Variants in ZRANB3 observed in about 807,000 individuals in gnomAD.
ZRANB3 encodes DNA annealing helicase and endonuclease ZRANB3.
In ZRANB3, 125 loss-of-function variants were observed where a neutral mutation model predicts 133.8. That is an observed-to-expected ratio of 0.93 (90% CI 0.81 to 1.08). ZRANB3 has a LOEUF of 1.08. Among genes scored for constraint, ZRANB3 ranks in the 50% least tolerant of loss-of-function variants. The pLI, the probability that ZRANB3 is intolerant of heterozygous loss-of-function variation, is 0.00. For synonymous variants in ZRANB3, 387 were observed against 432.7 expected (o/e 0.89, Z 1.31); for missense variants, 1,229 against 1,275.5 (o/e 0.96, Z 0.56).
intron 6 of ZRANB3, among the ~76,000 whole-genome samples, chr2:135,324,170 T>A (rs1214055328): frequency 1.3e-5 from 2 of 151,986 alleles, no homozygotes; most frequent in Non-Finnish European, 2.9e-5. Context: ...CATGTTGGTG[T>A]GCTGCACCCA....
intron 3 of ZRANB3, among the ~76,000 whole-genome samples, chr2:135,385,474 A>C: frequency 6.6e-6 from 1 of 152,238 alleles, no homozygotes; most frequent in East Asian, 1.9e-4. Flanking sequence ...CTTTCTTCAC[A>C]GAATTGGAAA....
intron 2 of ZRANB3, among the ~76,000 whole-genome samples, chr2:135,424,458 C>G (rs1344617133): frequency 6.6e-6 from 1 of 152,140 alleles, no homozygotes; most frequent in Admixed American, 6.5e-5. Flanking sequence ...CTAGGCTGGG[C>G]GCAGTGGCTC....
At chr2:135,502,955 T>C (rs1001491762) in intron 2 of ZRANB3, among the ~76,000 whole-genome samples, 1 of 152,124 alleles carries the variant, frequency 6.6e-6, no homozygotes, top group African/African-American at 2.4e-5. Flanking sequence ...CTCAGTAAGA[T>C]TACAATAATT....
chr2:135,319,504 T>C (rs2104832008), intron 6 of ZRANB3, among the ~76,000 whole-genome samples: 1 of 152,280 alleles, frequency 6.6e-6, no homozygotes, highest in African/African-American at 2.4e-5. Flanking sequence ...ATACTCTGTG[T>C]GTGTACATAT....
intron 17 of ZRANB3, among the ~76,000 whole-genome samples, chr2:135,209,560 G>A (rs1219599788): frequency 2.0e-5 from 3 of 152,128 alleles, no homozygotes; most frequent in African/African-American, 7.2e-5. Context: ...AGCCACTCTT[G>A]ATATGGGATT....
chr2:135,270,882 T>C (rs1430917644), intron 10 of ZRANB3, among the ~76,000 whole-genome samples: 1 of 152,246 alleles, frequency 6.6e-6, no homozygotes, highest in African/African-American at 2.4e-5. Context: ...TTTAGAATGC[T>C]GGCAGAAAAA....
chr2:135,405,299 G>A (rs1030945320), intron 2 of ZRANB3, among the ~76,000 whole-genome samples: 2 of 152,148 alleles, frequency 1.3e-5, no homozygotes, highest in Admixed American at 6.5e-5. Flanking sequence ...ACCCAATACA[G>A]GAGCACCCAG....
chr2:135,233,193 G>C (rs1220217687), intron 12 of ZRANB3, among the ~76,000 whole-genome samples: 1 of 152,200 alleles, frequency 6.6e-6, no homozygotes, highest in Non-Finnish European at 1.5e-5. Context: ...AAGACTATCA[G>C]TGATGGAAGA....
chr2:135,517,684 G>C (rs370699656), intron 1 of ZRANB3, among the ~76,000 whole-genome samples: 2 of 152,192 alleles, frequency 1.3e-5, no homozygotes, highest in African/African-American at 4.8e-5. Flanking sequence ...TCTCCTGTCT[G>C]AGGTGTCTGT....
At chr2:135,217,439 A>G in intron 17 of ZRANB3, 26 bp downstream of exon 17, 1 of 1,572,292 alleles carries the variant, frequency 6.4e-7, no homozygotes, top group Non-Finnish European at 8.6e-7. Context: ...AATATAATAC[A>G]AAATTTAAAA....
chr2:135,496,093 C>T (rs1692648573), intron 2 of ZRANB3, among the ~76,000 whole-genome samples: 1 of 151,956 alleles, frequency 6.6e-6, no homozygotes, highest in African/African-American at 2.4e-5. Context: ...TCAAAATTTC[C>T]ACAGACTGGC....
intron 2 of ZRANB3, among the ~76,000 whole-genome samples, chr2:135,405,497 C>A (rs1169272001): frequency 6.6e-6 from 1 of 152,202 alleles, no homozygotes; most frequent in East Asian, 1.9e-4. Flanking sequence ...AACTCTCCAT[C>A]CCAAATGAAC....
intron 8 of ZRANB3, among the ~76,000 whole-genome samples, chr2:135,296,757 T>C (rs1682137834): frequency 6.6e-6 from 1 of 152,168 alleles, no homozygotes; most frequent in South Asian, 2.1e-4. Flanking sequence ...GGGTTTTTGG[T>C]GTGGATGCCC....
chr2:135,233,574 A>C (rs1002632177), intron 12 of ZRANB3, among the ~76,000 whole-genome samples: 3 of 151,950 alleles, frequency 2.0e-5, no homozygotes, highest in Non-Finnish European at 4.4e-5. Flanking sequence ...AGGGAAGCCC[A>C]TCAGACTAAC....
At position 135,412,260 on chromosome 2, in the gene ZRANB3, C is replaced by T. The variant is rs75665061; in HGVS notation, c.162-21440G>A. Reference sequence around the variant, plus strand: ...ATGGGCTAGACATGGGCTGCTTCACCTACAGCTGATTAGTAGACAAAATGG... The same window carrying T: ...ATGGGCTAGACATGGGCTGCTTCACTTACAGCTGATTAGTAGACAAAATGG... On this transcript the variant is annotated intron_variant, in intron 2 of 20. Transcript: ENST00000264159. Among the ~76,000 whole-genome samples the T allele has an allele frequency of 9.8e-3, 1,493 of 152,178 alleles. 23 individuals carry two copies. The highest frequency in any genetic ancestry group is 0.034 in the African/African-American group (1,424 of 41,526).
At chr2:135,314,585 C>T (rs1182268219) in intron 7 of ZRANB3, among the ~76,000 whole-genome samples, 2 of 152,178 alleles carry the variant, frequency 1.3e-5, no homozygotes, top group Non-Finnish European at 2.9e-5. Context: ...TTCTGATATA[C>T]TGAATTTCAC....
chr2:135,419,771 GTACCCAGAA>G (rs1209412221), intron 2 of ZRANB3, among the ~76,000 whole-genome samples: 2 of 150,762 alleles, frequency 1.3e-5, no homozygotes, highest in African/African-American at 4.9e-5. Context: ...CATAGGCAGT[GTACCCAGAA>G]TACCCAGAAG....
intron 12 of ZRANB3, among the ~76,000 whole-genome samples, chr2:135,251,035 T>C (rs1679367370): frequency 6.6e-6 from 1 of 152,148 alleles, no homozygotes; most frequent in Non-Finnish European, 1.5e-5. Context: ...AGGGAGGCTG[T>C]ACCCTACAAT....
chr2:135,301,249 C>T (rs1214625469), intron 8 of ZRANB3, among the ~76,000 whole-genome samples: 1 of 151,052 alleles, frequency 6.6e-6, no homozygotes, highest in Non-Finnish European at 1.5e-5. Flanking sequence ...GCAGTGGTAC[C>T]GTCTCACCCC....
Sources: gnomAD v4.1 joint callset for allele counts (sites outside exome capture counted in the v4.1 genomes callset) on GRCh38, gnomAD v4.1.1 for gene constraint, MANE v1.5 for transcripts, NCBI Gene and HGNC (gene_info 2026-07-23, HGNC 2026-07-21) for gene names.